The following MED12L variants were observed in gnomAD, a reference collection of about 807,000 sequenced individuals.
MED12L encodes mediator of RNA polymerase II transcription subunit 12-like protein.
A neutral mutation model predicts 281.3 loss-of-function variants in MED12L; 60 were observed. The ratio of observed to expected loss-of-function variants is 0.21; its 90% CI spans 0.17 to 0.26. The LOEUF is 0.26. MED12L is among the 10% of genes least tolerant of loss of function. The pLI is 1.00. For missense variants in MED12L, 2,146 were observed against 2,680.9 expected (o/e 0.80, Z 4.41); for synonymous variants, 974 against 987.2 (o/e 0.99, Z 0.25).
chr3:151,364,888 T>A, intron 21 of MED12L, 91 bp from the exon 22 acceptor site: 1 of 891,294 alleles, frequency 1.1e-6, no homozygotes, highest in Non-Finnish European at 1.8e-6. Context: ...TGCATTACAG[T>A]TCCTGCCATT....
chr3:151,382,578 C>G, intron 32 of MED12L, 78 bp from the exon 33 acceptor site: 1 of 883,112 alleles, frequency 1.1e-6, no homozygotes, highest in Non-Finnish European at 1.7e-6. Context: ...TGGTTTTTTG[C>G]TATCAGTATA....
intron 11 of MED12L, among the ~76,000 whole-genome samples, chr3:151,184,006 A>G (rs1722993907): frequency 6.6e-6 from 1 of 152,212 alleles, no homozygotes; most frequent in South Asian, 2.1e-4. Context: ...GAATCTGGGC[A>G]GAAAGTCCTC....
rs1442789363 is a variant in MED12L at position 151,414,792 on chromosome 3, G to A, written c.6297+1497G>A. Among the ~76,000 whole-genome samples, 4 of 149,570 alleles carry A rather than the reference G, an allele frequency of 2.7e-5. No individual in the cohort carries two copies. The Admixed American group carries it at 2.7e-4, about 10-fold the overall frequency. ...GTATGGCCTTCAGATAGCAATCTCA[G>A]TCATTGTATAGATGTTGTTTCCAAT... is the stretch of plus-strand genomic sequence containing the variant. On this transcript the variant is annotated intron_variant, in intron 42 of 44. Transcript: ENST00000687756.
At chr3:151,250,070 G>A (rs989079630) in intron 16 of MED12L, among the ~76,000 whole-genome samples, 6 of 152,026 alleles carry the variant, frequency 3.9e-5, no homozygotes, top group Non-Finnish European at 8.8e-5. Flanking sequence ...TCATCCAGTC[G>A]GTACCTTTAT....
chr3:151,362,111 C>G (rs1271688635), intron 21 of MED12L, among the ~76,000 whole-genome samples: 1 of 151,974 alleles, frequency 6.6e-6, no homozygotes, highest in Non-Finnish European at 1.5e-5. Flanking sequence ...ATCTCTAGAA[C>G]CTGCCCATTC....
At chr3:151,209,832 C>T (rs1293698505) in intron 16 of MED12L, among the ~76,000 whole-genome samples, 1 of 152,152 alleles carries the variant, frequency 6.6e-6, no homozygotes, top group Non-Finnish European at 1.5e-5. Flanking sequence ...TCTAGAACTT[C>T]TGAACTCTTT....
At chr3:151,246,103 G>C (rs1735393010) in intron 16 of MED12L, among the ~76,000 whole-genome samples, 1 of 151,930 alleles carries the variant, frequency 6.6e-6, no homozygotes, top group African/African-American at 2.4e-5. Context: ...ACAAACCACT[G>C]CTCAAGGAAA....
intron 32 of MED12L, among the ~76,000 whole-genome samples, chr3:151,380,899 C>G (rs1712205138): frequency 6.6e-6 from 1 of 152,320 alleles, no homozygotes; most frequent in African/African-American, 2.4e-5. Flanking sequence ...GCCACATTAT[C>G]AGGCACGCTT....
At chr3:151,300,712 T>A (rs1745793701) in intron 16 of MED12L, among the ~76,000 whole-genome samples, 1 of 152,184 alleles carries the variant, frequency 6.6e-6, no homozygotes, top group Non-Finnish European at 1.5e-5. Context: ...TGATGTTGCT[T>A]AAAGAGACCC....
At chr3:151,164,945 A>G (rs1341926331) in intron 9 of MED12L, among the ~76,000 whole-genome samples, 2 of 152,168 alleles carry the variant, frequency 1.3e-5, no homozygotes, top group African/African-American at 2.4e-5. Flanking sequence ...TGGCGCATGT[A>G]TACATATGTA....
chr3:151,434,709 ATT>A lies in MED12L; in HGVS notation c.*1907_*1908del, dbSNP rs2108505809. 6.6e-6 allele frequency: 1 copy of A among 152,328 alleles called. No homozygotes were observed. Among genetic ancestry groups the A allele is most frequent in the African/African-American group, 2.4e-5 (1 of 41,580 alleles). The allele number at this position is 152,328 out of a possible 1,614,324, so 9.4% of individuals were successfully genotyped here. ...AGTGAGTGAGTCATGTTCCATCATT[ATT>A]TCTTTCCAAATTTCTTTGCCAGTTC... On this transcript the variant is annotated 3_prime_UTR_variant, in exon 45 of 45. Coordinates refer to ENST00000687756, the MANE Select transcript of MED12L (RefSeq NM_001393769.1).
chr3:151,096,686 A>G (rs1386862688), intron 2 of MED12L, among the ~76,000 whole-genome samples: 2 of 152,236 alleles, frequency 1.3e-5, no homozygotes, highest in African/African-American at 2.4e-5. Flanking sequence ...GTTTATAGCT[A>G]GAAGGGAACT....
At chr3:151,206,650 T>TTTTTTTA (rs1443385696) in intron 16 of MED12L, among the ~76,000 whole-genome samples, 1 of 109,568 alleles carries the variant, frequency 9.1e-6, no homozygotes, top group Non-Finnish European at 1.9e-5. Flanking sequence ...ATCTTTTTTT[T>TTTTTTTA]TTTTTTTTTT....
chr3:151,292,262 G>C (rs909335577), intron 16 of MED12L, among the ~76,000 whole-genome samples: 3 of 150,854 alleles, frequency 2.0e-5, no homozygotes, highest in Admixed American at 2.0e-4. Flanking sequence ...TGTACTGAAG[G>C]TATTTTCCCA....
chr3:151,196,278 C>G (rs912593904), intron 16 of MED12L, among the ~76,000 whole-genome samples: 11 of 152,128 alleles, frequency 7.2e-5, no homozygotes, highest in African/African-American at 2.2e-4. Flanking sequence ...ACTGGTTGCC[C>G]TAAACTCCCT....
chr3:151,181,725 A>G (rs910340471), intron 11 of MED12L, among the ~76,000 whole-genome samples: 12 of 151,816 alleles, frequency 7.9e-5, no homozygotes, highest in Admixed American at 6.6e-4. Flanking sequence ...AGCTGGGACT[A>G]CAGGCATGCG....
chr3:151,216,793 G>T (rs775010155), intron 16 of MED12L, among the ~76,000 whole-genome samples: 1 of 152,136 alleles, frequency 6.6e-6, no homozygotes, highest in Non-Finnish European at 1.5e-5. Flanking sequence ...AAGGGAGGGG[G>T]AGCACATTTT....
intron 16 of MED12L, among the ~76,000 whole-genome samples, chr3:151,308,660 A>T (rs73006528): frequency 0.044 from 6,649 of 152,248 alleles, 472 homozygotes; most frequent in African/African-American, 0.15. Context: ...TTGGAATAGC[A>T]TCCTGTGGCT....
chr3:151,425,617 C>G (rs1479131797), intron 43 of MED12L: 4 of 455,548 alleles, frequency 8.8e-6, no homozygotes, highest in Non-Finnish European at 1.8e-5. Flanking sequence ...ATGGTATTTC[C>G]TGGAGAAGTG....
Sources: allele counts gnomAD v4.1 joint callset (sites outside exome capture counted in the v4.1 genomes callset), GRCh38; gene constraint gnomAD v4.1.1; transcripts MANE v1.5; gene names NCBI Gene and HGNC (gene_info 2026-07-23, HGNC 2026-07-21).